Variants in MARCHF2 observed in about 807,000 individuals in gnomAD.
The protein encoded by MARCHF2 is E3 ubiquitin-protein ligase MARCHF2.
MARCHF2 carries 22 observed loss-of-function variants against 24.0 expected under a neutral mutation model. The observed-to-expected ratio is 0.92, with a 90% confidence interval of 0.66 to 1.31. MARCHF2 has a LOEUF of 1.31. MARCHF2 is among the 50% of genes most tolerant of loss of function. The probability of loss-of-function intolerance (pLI) is 0.00; values close to 1 mark genes in which losing one functional copy is unlikely to be tolerated. For synonymous variants in MARCHF2, 154 were observed against 153.0 expected, an observed-to-expected ratio of 1.01 and a Z score of -0.05; for missense variants, 301 against 335.3, an observed-to-expected ratio of 0.90 and a Z score of 0.80.
chr19:8,434,081 CT>C (rs750325194), intron 4 of MARCHF2, among the ~76,000 whole-genome samples: 26,752 of 105,788 alleles, frequency 0.25, 1,701 homozygotes, highest in Middle Eastern at 0.34. Context: ...ACCAGCATTT[CT>C]TTTTTTTTTT....
Position 8,422,853 on chromosome 19 carries a change from C to T in MARCHF2, c.176+837C>T, listed in dbSNP as rs10404038. On this transcript the variant is annotated intron_variant, in intron 2 of 4. Coordinates refer to ENST00000215555, the MANE Select transcript of MARCHF2 (RefSeq NM_001005415.2). ...CTGAGTACCTGGTTCTACAGGCACG[C>T]GCCACCACACCCAGCTAATTTTTGT... Among the ~76,000 whole-genome samples, 928 of 144,484 alleles carry T rather than the reference C, an allele frequency of 6.4e-3. 12 individuals are homozygous for T. The highest frequency in any genetic ancestry group is 0.022 in the African/African-American group (849 of 38,768). 94.8% of individuals were successfully genotyped at this position (144,484 alleles called of 152,430 possible). A position where few individuals can be genotyped will look rare whatever the true frequency, so the allele number is the denominator to read the frequency against.
At chr19:8,431,568 G>A (rs2145566211) in intron 4 of MARCHF2, among the ~76,000 whole-genome samples, 1 of 151,540 alleles carries the variant, frequency 6.6e-6, no homozygotes, top group South Asian at 2.1e-4. Context: ...CAGGCACAGT[G>A]GCTTACTCCT....
At chr19:8,423,897 G>A (rs1967321568) in intron 2 of MARCHF2, among the ~76,000 whole-genome samples, 1 of 150,628 alleles carries the variant, frequency 6.6e-6, no homozygotes, top group Admixed American at 6.7e-5. Flanking sequence ...AGCTACTCGG[G>A]AGACTGAGGC....
intron 3 of MARCHF2, among the ~76,000 whole-genome samples, chr19:8,428,191 C>T (rs556234765): frequency 2.6e-5 from 4 of 151,878 alleles, no homozygotes; most frequent in South Asian, 2.1e-4. Context: ...ATCCAGGAGG[C>T]GGAGCTTGCA....
intron 4 of MARCHF2, among the ~76,000 whole-genome samples, chr19:8,432,172 G>A (rs1967603684): frequency 6.6e-6 from 1 of 151,394 alleles, no homozygotes; most frequent in South Asian, 2.1e-4. Context: ...AAAAGAAAAA[G>A]AAAGAAAGAA....
chr19:8,436,316 T>C (rs952746008), intron 4 of MARCHF2, among the ~76,000 whole-genome samples: 4 of 151,850 alleles, frequency 2.6e-5, no homozygotes, highest in Non-Finnish European at 5.9e-5. Context: ...TGTATTCTTA[T>C]TGGAGATGGG....
chr19:8,414,298 C>T (rs2042898), intron 1 of MARCHF2, among the ~76,000 whole-genome samples: 7,085 of 150,790 alleles, frequency 0.047, 204 homozygotes, highest in Middle Eastern at 0.14. Flanking sequence ...TAGACAGAGT[C>T]TCTCTCTCTT....
At chr19:8,417,649 G>T (rs906088047) in intron 1 of MARCHF2, among the ~76,000 whole-genome samples, 9 of 151,790 alleles carry the variant, frequency 5.9e-5, no homozygotes, top group Admixed American at 3.9e-4. Flanking sequence ...TGTTGGCCAG[G>T]CTGGTCTCGA....
intron 3 of MARCHF2, among the ~76,000 whole-genome samples, chr19:8,428,649 CAAAAAAAAAAAA>C (rs59542078): frequency 4.6e-4 from 14 of 30,646 alleles, no homozygotes; most frequent in East Asian, 1.3e-3. Flanking sequence ...GACTCTATCT[CAAAAAAAAAAAA>C]AAAAAAAAAA....
chr19:8,428,678 A>AAAAAAAAAAAAAAAAAG (rs1967487043), intron 3 of MARCHF2, among the ~76,000 whole-genome samples: 1 of 148,448 alleles, frequency 6.7e-6, no homozygotes, highest in African/African-American at 2.5e-5. Context: ...AAAAAAAAAA[A>AAAAAAAAAAAAAAAAAG]AAAAACCAAG....
chr19:8,430,562 G>T lies in MARCHF2; in HGVS notation c.373-96G>T. The T allele has an allele frequency of 3.3e-6, 3 of 906,814 alleles. No homozygotes were observed. Among genetic ancestry groups the T allele is most frequent in the Non-Finnish European group, 5.1e-6 (3 of 585,950 alleles). 56.2% of individuals were successfully genotyped at this position (906,814 alleles called of 1,614,324 possible). A position where few individuals can be genotyped will look rare whatever the true frequency, so the allele number is the denominator to read the frequency against. ...AAAAAAAAAAAAGAAAGAAGGAAAG[G>T]ACAGAGGGAGGCCTAGGCCTGGAGG... On this transcript the variant is annotated intron_variant, in intron 3 of 4. Coordinates refer to ENST00000215555, the MANE Select transcript of MARCHF2 (RefSeq NM_001005415.2). This position sits in a 1 kb window ranked among gnomAD's most constrained non-coding sequence, Gnocchi z 4.4.
chr19:8,437,749 A>T (rs1457517885), intron 4 of MARCHF2, among the ~76,000 whole-genome samples: 1 of 142,138 alleles, frequency 7.0e-6, no homozygotes, highest in African/African-American at 2.6e-5. Flanking sequence ...GATTTACATT[A>T]AAAAAATTTT....
Position 8,430,910 on chromosome 19 carries a change from G to A in MARCHF2, c.582+43G>A, listed in dbSNP as rs766437726. 15 of 1,519,920 alleles carry A rather than the reference G, an allele frequency of 9.9e-6. 1 individual carries two copies. Among genetic ancestry groups the A allele is most frequent in the South Asian group, 3.6e-5 (3 of 82,862 alleles). The allele number at this position is 1,519,920 out of a possible 1,614,324, so 94.2% of individuals were successfully genotyped here. A position where few individuals can be genotyped will look rare whatever the true frequency, so the allele number is the denominator to read the frequency against. ...TGCAGCACGCGTCTCGAGCTCTGCC[G>A]CTGGGAGCAGCAGGGCCAAGGATTT... On this transcript the variant is annotated intron_variant, in intron 4 of 4. Transcript: ENST00000215555. The surrounding 1 kb of genome is among the most constrained non-coding windows in gnomAD (Gnocchi z 4.4).
chr19:8,429,196 G>A (rs888561689), intron 3 of MARCHF2, among the ~76,000 whole-genome samples: 9 of 151,752 alleles, frequency 5.9e-5, no homozygotes, highest in African/African-American at 1.5e-4. Flanking sequence ...TGTTCATTCC[G>A]TTCTCTTCAA....
chr19:8,438,345 C>G (rs751677897), intron 4 of MARCHF2, 43 bp from the exon 5 acceptor site: 3 of 1,605,266 alleles, frequency 1.9e-6, no homozygotes, highest in Non-Finnish European at 1.7e-6. Context: ...GTTTTCCTCC[C>G]TTGCGGGTGG....
intron 4 of MARCHF2, among the ~76,000 whole-genome samples, chr19:8,434,591 G>T (rs976193668): frequency 1.3e-5 from 2 of 151,966 alleles, no homozygotes; most frequent in Non-Finnish European, 2.9e-5. Context: ...TCCAATGTGT[G>T]TGTGGTTTTA....
chr19:8,426,601 G>A lies in MARCHF2; in HGVS notation c.177-8G>A. On this transcript the variant is annotated splice_polypyrimidine_tract_variant and splice_region_variant and intron_variant, in intron 2 of 4. Transcript: ENST00000215555. ...ATCATTGCTCATGGGTCCTATCTCT[G>A]TGTCCAGTGATGGTCCTTTCTGCCG... 6.2e-7 allele frequency: 1 copy of A among 1,612,676 alleles called. No homozygotes were observed. The highest frequency in any genetic ancestry group is 8.5e-7 in the Non-Finnish European group (1 of 1,179,080).
rs773295692 is a variant in MARCHF2, at chr19:8,438,483, C to T, written c.678C>T (p.Gly226=). The T allele has an allele frequency of 8.7e-6, 14 of 1,614,070 alleles. No individual in the cohort carries two copies. In the South Asian group the frequency reaches 1.5e-4, roughly 18 times the overall value. Residue 226 remains glycine (G), a synonymous_variant, in exon 5 of 5, where the codon GGC becomes GGT. Coordinates refer to ENST00000215555, the MANE Select transcript of MARCHF2 (RefSeq NM_001005415.2). ...TCCGGGAGGCGGACAGCCCCGAGGG[C>T]CCCCAGCATTCTCCACTGGCAGCTG... ...LKIREADSPE[G]PQHSPLAAGL...
chr19:8,434,241 C>T (rs912915378), intron 4 of MARCHF2, among the ~76,000 whole-genome samples: 1 of 151,894 alleles, frequency 6.6e-6, no homozygotes, highest in Non-Finnish European at 1.5e-5. Context: ...TGTGCCACCA[C>T]ACCCAGCCAA....
Sources: gnomAD v4.1 joint callset for allele counts (sites outside exome capture counted in the v4.1 genomes callset) on GRCh38, gnomAD v4.1.1 for gene constraint, Gnocchi (gnomAD v3.1) non-coding constraint, MANE v1.5 for transcripts, NCBI Gene and HGNC (gene_info 2026-07-23, HGNC 2026-07-21) for gene names.